ZAN: variants seen among roughly 807,000 people sequenced by gnomAD.
The protein encoded by ZAN is zonadhesin (gene/pseudogene).
ZAN carries 260 observed loss-of-function variants against 286.2 expected under a neutral mutation model. The observed-to-expected ratio is 0.91, with a 90% confidence interval of 0.82 to 1.01. The LOEUF (loss-of-function observed/expected upper bound fraction) is 1.01. Ranked by LOEUF, ZAN falls within the 50% of genes least tolerant of loss-of-function variation. ZAN has a pLI of 0.00. For missense variants in ZAN, 3,410 were observed against 3,639.2 expected (o/e 0.94, Z 1.62); for synonymous variants, 1,368 against 1,417.5 (o/e 0.97, Z 0.79).
At chr7:100,767,760 G>A in intron 25 of ZAN, 71 bp from the exon 26 acceptor site, 4 of 1,514,396 alleles carry the variant, frequency 2.6e-6, no homozygotes, top group South Asian at 2.6e-5. Context: ...TTGCAGGCAT[G>A]AGCCCCCGTC....
At chr7:100,761,583 G>A (rs908690589) in intron 19 of ZAN, among the ~76,000 whole-genome samples, 5 of 152,074 alleles carry the variant, frequency 3.3e-5, no homozygotes, top group Non-Finnish European at 7.4e-5. Flanking sequence ...GCAGTGAGCC[G>A]AGATTGCACC....
At chr7:100,780,414 C>T (rs937099585) in intron 35 of ZAN, among the ~76,000 whole-genome samples, 3 of 151,706 alleles carry the variant, frequency 2.0e-5, no homozygotes, top group Admixed American at 2.0e-4. Context: ...TGGCTCATGC[C>T]TATAATCTCA....
In ZAN at chr7:100,788,141, G is replaced by A; in HGVS notation, c.7227+5G>A. On this transcript the variant is annotated splice_donor_5th_base_variant and intron_variant, in intron 38 of 47. Transcript: ENST00000613979. ...CAAGCTGGTCTGGAGCTTGTGGTAA[G>A]AGCTGGGCCAGGGCCTGGTGGGTGT... is the stretch of plus-strand genomic sequence containing the variant. 1 of 1,480,364 alleles carries A rather than the reference G, an allele frequency of 6.8e-7. No homozygotes were observed. The allele number at this position is 1,480,364 out of a possible 1,614,324, so 91.7% of individuals were successfully genotyped here.
chr7:100,755,251 C>T lies in ZAN; in HGVS notation c.3150C>T (p.Tyr1050=), dbSNP rs1262302919. Residue 1050 remains tyrosine, a synonymous_variant, in exon 15 of 48, where the codon TAC becomes TAT. Transcript: ENST00000613979. ...AGCGCTGCCCTCCAAATGCCCGCTA[C>T]GAATCCTGTGCTTGTCCTGCTTCGT... ...STERCPPNAR[Y]ESCACPASCK... The T allele has an allele frequency of 1.1e-5, 18 of 1,613,322 alleles. No homozygotes were observed. The highest frequency in any genetic ancestry group is 1.6e-4 in the Middle Eastern group (1 of 6,080).
intron 38 of ZAN, 117 bp from the exon 39 acceptor site, chr7:100,789,101 T>TTCCA: frequency 2.1e-6 from 3 of 1,405,324 alleles, no homozygotes; most frequent in Non-Finnish European, 1.9e-6. Flanking sequence ...GGGTATCTTA[T>TTCCA]TCCACTCTCT....
chr7:100,738,747 G>A lies in ZAN; in HGVS notation c.766+134G>A, dbSNP rs572783687. On this transcript the variant is annotated intron_variant, in intron 7 of 47. Transcript: ENST00000613979. ...CAGCTCAAGTTTCACGCAAGAAGCT[G>A]ATTTCAAGCACCCAGCCAGCCTCCC... is the stretch of plus-strand genomic sequence containing the variant. The A allele has an allele frequency of 1.9e-6, 2 of 1,076,818 alleles. 1 individual carries two copies. 66.7% of individuals were successfully genotyped at this position (1,076,818 alleles called of 1,614,324 possible).
intron 7 of ZAN, among the ~76,000 whole-genome samples, chr7:100,745,533 T>TCAGAGCCGCTGTATCTCTCGC (rs1221356706): frequency 2.0e-5 from 3 of 151,596 alleles, no homozygotes; most frequent in African/African-American, 7.3e-5. Context: ...CTCCTCTGTG[T>TCAGAGCCGCTGTATCTCTCGC]CAGAGCCGCT....
rs897608373 is a variant in ZAN at position 100,763,534 on chromosome 7, T to C, written c.3987-272T>C. Among the ~76,000 whole-genome samples the C allele has an allele frequency of 2.6e-5, 4 of 152,052 alleles. No individual in the cohort carries two copies. The highest frequency in any genetic ancestry group is 2.1e-4 in the South Asian group (1 of 4,824). On this transcript the variant is annotated intron_variant, in intron 20 of 47. Coordinates refer to ENST00000613979, the MANE Select transcript of ZAN (RefSeq NM_003386.3). This position sits in a 1 kb window ranked among gnomAD's most constrained non-coding sequence, Gnocchi z 4.6. ...CTATGGACGTGCGCCATATGAAATA[T>C]GAAATAAATAATTTCATATTTATTT...
At chr7:100,776,400 C>T (rs936888008) in intron 33 of ZAN, 40 bp from the exon 34 acceptor site, 7 of 1,580,562 alleles carry the variant, frequency 4.4e-6, no homozygotes, top group African/African-American at 1.3e-5. Context: ...AAACTGTTCT[C>T]GTGCTTCCCC....
chr7:100,750,414 C>T (rs746210700), intron 11 of ZAN, among the ~76,000 whole-genome samples: 4 of 152,172 alleles, frequency 2.6e-5, no homozygotes, highest in Admixed American at 1.3e-4. Context: ...GGATTACAGG[C>T]ATGAGCCACC....
chr7:100,749,188 A>C (rs1562920638), intron 11 of ZAN, among the ~76,000 whole-genome samples: 2 of 148,842 alleles, frequency 1.3e-5, no homozygotes, highest in Non-Finnish European at 2.9e-5. Context: ...AAAAAAATGT[A>C]AAAATTAGCC....
In ZAN at chr7:100,763,791, G is replaced by A. The variant is rs777828578; in HGVS notation, c.3987-15G>A. The A allele has an allele frequency of 1.9e-6, 3 of 1,612,440 alleles. No homozygotes were observed. The highest frequency in any genetic ancestry group is 3.3e-5 in the Admixed American group (2 of 60,004). On this transcript the variant is annotated splice_polypyrimidine_tract_variant and intron_variant, in intron 20 of 47. Transcript: ENST00000613979. The surrounding 1 kb of genome is among the most constrained non-coding windows in gnomAD (Gnocchi z 4.6). ...GAGCTTTGTCTTTAGGGAGTTTGGG[G>A]TGGGTCTCTTGCAGGTGTCAGAAGT...
intron 35 of ZAN, among the ~76,000 whole-genome samples, chr7:100,780,592 T>C (rs1237794967): frequency 6.6e-6 from 1 of 151,656 alleles, no homozygotes; most frequent in Non-Finnish European, 1.5e-5. Flanking sequence ...GAGGATCACT[T>C]GAGCCCGGCA....
intron 34 of ZAN, 105 bp from the exon 35 acceptor site, chr7:100,779,341 G>A: frequency 8.6e-7 from 1 of 1,165,630 alleles, no homozygotes; most frequent in Non-Finnish European, 1.2e-6. Flanking sequence ...CTGTTGCATT[G>A]CACTCCAGCC....
chr7:100,780,080 C>T (rs1811101539), intron 35 of ZAN, among the ~76,000 whole-genome samples: 1 of 151,836 alleles, frequency 6.6e-6, no homozygotes, highest in Non-Finnish European at 1.5e-5. Flanking sequence ...GTAATCCCAG[C>T]TACTCGGGAG....
intron 34 of ZAN, among the ~76,000 whole-genome samples, chr7:100,778,314 T>C (rs1810955888): frequency 6.6e-6 from 1 of 151,364 alleles, no homozygotes; most frequent in Non-Finnish European, 1.5e-5. Context: ...CTTAAAAAGT[T>C]TAAAAACAGC....
chr7:100,785,739 A>C (rs1393406435), intron 36 of ZAN, among the ~76,000 whole-genome samples: 1 of 150,688 alleles, frequency 6.6e-6, no homozygotes, highest in Non-Finnish European at 1.5e-5. Flanking sequence ...GCTCACTGCA[A>C]CCTCTGCCTC....
chr7:100,746,123 G>A (rs931385916), intron 7 of ZAN, among the ~76,000 whole-genome samples: 4 of 152,084 alleles, frequency 2.6e-5, no homozygotes, highest in Admixed American at 2.0e-4. Flanking sequence ...GCTACTTAAG[G>A]AGGCTGAGGC....
rs1163480911 is a variant in ZAN, at chr7:100,737,456, C to T, written c.613+107C>T. The T allele has an allele frequency of 4.9e-6, 4 of 817,942 alleles. No individual in the cohort carries two copies. In the African/African-American group the frequency reaches 7.2e-5, roughly 15 times the overall value. 50.7% of individuals were successfully genotyped at this position (817,942 alleles called of 1,614,324 possible). A position where few individuals can be genotyped will look rare whatever the true frequency, so the allele number is the denominator to read the frequency against. On this transcript the variant is annotated intron_variant, in intron 6 of 47. Transcript: ENST00000613979. Reference sequence around the variant, plus strand: ...GCGCGGTGGCTCATGCCTGTAATCCCAGCACTTTGGGAGGCCGAGGCGGGC... The same window carrying T: ...GCGCGGTGGCTCATGCCTGTAATCCTAGCACTTTGGGAGGCCGAGGCGGGC...
Sources: gnomAD v4.1 joint callset for allele counts (sites outside exome capture counted in the v4.1 genomes callset) on GRCh38, gnomAD v4.1.1 for gene constraint, Gnocchi (gnomAD v3.1) non-coding constraint, MANE v1.5 for transcripts, NCBI Gene and HGNC (gene_info 2026-07-23, HGNC 2026-07-21) for gene names.